STIM1: variants seen among roughly 807,000 people sequenced by gnomAD.
The protein encoded by STIM1 is stromal interaction molecule 1.
In STIM1, 25 loss-of-function variants were observed where a neutral mutation model predicts 74.7. The observed-to-expected ratio is 0.33, with a 90% CI of 0.24 to 0.47. STIM1 has a LOEUF of 0.47. Among genes scored for constraint, STIM1 ranks in the 20% least tolerant of loss-of-function variants. STIM1 has a pLI of 1.00. For synonymous variants in STIM1, 328 were observed against 348.8 expected, an observed-to-expected ratio of 0.94 and a Z score of 0.66; for missense variants, 728 against 920.8, an observed-to-expected ratio of 0.79 and a Z score of 2.71.
chr11:3,999,253 G>T (rs1391952898), intron 2 of STIM1, among the ~76,000 whole-genome samples: 1 of 152,208 alleles, frequency 6.6e-6, no homozygotes, highest in African/African-American at 2.4e-5. Flanking sequence ...CAGGAGGACT[G>T]CTTAAGCCCA....
chr11:3,951,516 C>G (rs1001955133), intron 1 of STIM1, among the ~76,000 whole-genome samples: 1 of 152,120 alleles, frequency 6.6e-6, no homozygotes, highest in Non-Finnish European at 1.5e-5. Context: ...ACTATGGAAA[C>G]TGGAATCCAC....
intron 2 of STIM1, among the ~76,000 whole-genome samples, chr11:3,997,075 A>G (rs1179220802): frequency 6.6e-6 from 1 of 152,208 alleles, no homozygotes; most frequent in Non-Finnish European, 1.5e-5. Flanking sequence ...GAGATGTTAG[A>G]GTTTCTCTGT....
intron 4 of STIM1, 112 bp from the exon 5 acceptor site, chr11:4,059,169 G>A: frequency 2.1e-6 from 2 of 946,852 alleles, no homozygotes; most frequent in South Asian, 2.7e-5. Context: ...AGAGTGCAGA[G>A]GGGAGCAATC....
chr11:4,025,636 G>T (rs113441183), intron 3 of STIM1, among the ~76,000 whole-genome samples: 1 of 152,168 alleles, frequency 6.6e-6, no homozygotes, highest in Admixed American at 6.5e-5. Flanking sequence ...AATTAAAGAT[G>T]GCAGGGAGAG....
chr11:3,882,816 TA>T (rs1407908374), intron 1 of STIM1, among the ~76,000 whole-genome samples: 1 of 152,226 alleles, frequency 6.6e-6, no homozygotes, highest in Non-Finnish European at 1.5e-5. Flanking sequence ...CAAAGTTTGT[TA>T]TTTTTTTTAT....
intron 9 of STIM1, 60 bp from the exon 10 acceptor site, chr11:4,083,203 T>G: frequency 6.5e-7 from 1 of 1,540,500 alleles, no homozygotes; most frequent in Non-Finnish European, 9.0e-7. Flanking sequence ...AGAAGAGGCT[T>G]CATTCCTATT....
chr11:3,883,597 C>T (rs2091599925), intron 1 of STIM1, among the ~76,000 whole-genome samples: 1 of 152,230 alleles, frequency 6.6e-6, no homozygotes, highest in Non-Finnish European at 1.5e-5. Context: ...AGGTGATCCA[C>T]CTGCCTCAGC....
chr11:3,972,500 A>G (rs983906150), intron 2 of STIM1, among the ~76,000 whole-genome samples: 5 of 152,154 alleles, frequency 3.3e-5, no homozygotes, highest in Admixed American at 6.5e-5. Flanking sequence ...ATCACGATCA[A>G]ACTATTACAT....
chr11:3,856,837 C>T (rs1041281255), intron 1 of STIM1, among the ~76,000 whole-genome samples: 4 of 152,180 alleles, frequency 2.6e-5, no homozygotes, highest in Non-Finnish European at 5.9e-5. Context: ...GCTGGGCCAC[C>T]TCTGTTGCCT....
At chr11:4,058,998 ATTT>A (rs1348976300) in intron 4 of STIM1, 11 of 1,148,536 alleles carry the variant, frequency 9.6e-6, no homozygotes, top group African/African-American at 1.6e-5. Flanking sequence ...ACAACAGAAA[ATTT>A]AGTTGGGTGT....
At chr11:4,053,511 C>T (rs569406872) in intron 3 of STIM1, among the ~76,000 whole-genome samples, 18 of 150,006 alleles carry the variant, frequency 1.2e-4, no homozygotes, top group Non-Finnish European at 2.4e-4. Context: ...TGTTCTCACT[C>T]ATAGGTGGGA....
chr11:4,060,557 C>T (rs1199549909), intron 5 of STIM1, among the ~76,000 whole-genome samples: 1 of 152,062 alleles, frequency 6.6e-6, no homozygotes, highest in African/African-American at 2.4e-5. Context: ...GTGGAGGGTT[C>T]TAGGACACAT....
rs548364932 is a variant in STIM1 at position 4,062,744 on chromosome 11, C to A, written c.613+3348C>A. On this transcript the variant is annotated intron_variant, in intron 5 of 12. Coordinates refer to ENST00000526596, the MANE Select transcript of STIM1 (RefSeq NM_001382567.1). Reference sequence around the variant, plus strand: ...ACATCATTATCAGGGCAATGCAAATCAAAACTACAATGAGGTAACACTTTT... The same window carrying A: ...ACATCATTATCAGGGCAATGCAAATAAAAACTACAATGAGGTAACACTTTT... 2.6e-5 allele frequency among the ~76,000 whole-genome samples: 4 copies of A among 152,188 alleles called. No individual in the cohort carries two copies. The East Asian group carries it at 7.7e-4, about 29-fold the overall frequency.
At chr11:4,025,040 G>C (rs537648523) in intron 3 of STIM1, among the ~76,000 whole-genome samples, 1 of 152,246 alleles carries the variant, frequency 6.6e-6, no homozygotes, top group East Asian at 1.9e-4. Context: ...GGAACCTTAG[G>C]CCTAGATGTA....
In STIM1 at chr11:4,091,809, G is replaced by A. The variant is rs762785661; in HGVS notation, c.*11G>A. On this transcript the variant is annotated 3_prime_UTR_variant, in exon 13 of 13. Coordinates refer to ENST00000526596, the MANE Select transcript of STIM1 (RefSeq NM_001382567.1). Reference sequence around the variant, plus strand: ...CCTCTTAAGAAGTAGGCAGGATGGGGTGGCAGTAAAGGGACAGCTTGTCCT... The same window carrying A: ...CCTCTTAAGAAGTAGGCAGGATGGGATGGCAGTAAAGGGACAGCTTGTCCT... 1 of 1,601,100 alleles carries A rather than the reference G, an allele frequency of 6.2e-7. No homozygotes were observed. The highest frequency in any genetic ancestry group is 8.5e-7 in the Non-Finnish European group (1 of 1,179,968).
chr11:3,968,739 A>G (rs1036150789), intron 2 of STIM1, among the ~76,000 whole-genome samples: 2 of 152,224 alleles, frequency 1.3e-5, no homozygotes, highest in Non-Finnish European at 2.9e-5. Flanking sequence ...TATAATTTCT[A>G]TCTTTAAATA....
At chr11:4,025,988 C>G (rs777004050) in intron 3 of STIM1, among the ~76,000 whole-genome samples, 3 of 152,158 alleles carry the variant, frequency 2.0e-5, no homozygotes, top group African/African-American at 4.8e-5. Flanking sequence ...ATTTGACAGA[C>G]TAAAAGTGAG....
At chr11:4,028,925 C>T (rs1166189597) in intron 3 of STIM1, among the ~76,000 whole-genome samples, 3 of 151,908 alleles carry the variant, frequency 2.0e-5, no homozygotes, top group African/African-American at 7.3e-5. Context: ...TGGTGGCTCA[C>T]GCCTGTAATC....
intron 1 of STIM1, among the ~76,000 whole-genome samples, chr11:3,901,055 G>T (rs889691172): frequency 6.6e-6 from 1 of 152,200 alleles, no homozygotes; most frequent in Non-Finnish European, 1.5e-5. Flanking sequence ...GCCGGGCATG[G>T]TGGTGTGCGC....
Sources: allele counts gnomAD v4.1 joint callset (sites outside exome capture counted in the v4.1 genomes callset), GRCh38; gene constraint gnomAD v4.1.1; transcripts MANE v1.5; gene names NCBI Gene and HGNC (gene_info 2026-07-23, HGNC 2026-07-21).